The following DGKB variants were observed in gnomAD, a reference collection of about 807,000 sequenced individuals.
The protein encoded by DGKB is 90 kDa diacylglycerol kinase.
In DGKB, 67 loss-of-function variants were observed where a neutral mutation model predicts 114.3. The observed-to-expected ratio is 0.59, with a 90% CI of 0.48 to 0.72. DGKB has a LOEUF of 0.72. Ranked by LOEUF, DGKB falls within the 30% of genes least tolerant of loss-of-function variation. The pLI is 0.00. For missense variants in DGKB, 907 were observed against 975.2 expected (o/e 0.93, Z 0.93); for synonymous variants, 398 against 323.1 (o/e 1.23, Z -2.49).
intron 13 of DGKB, among the ~76,000 whole-genome samples, chr7:14,639,359 C>T (rs1811317339): frequency 6.6e-6 from 1 of 152,172 alleles, no homozygotes; most frequent in African/African-American, 2.4e-5. Flanking sequence ...GTAAGCATCT[C>T]AGTGTCAAAC....
At chr7:14,412,687 A>C (rs988117869) in intron 21 of DGKB, among the ~76,000 whole-genome samples, 4 of 152,278 alleles carry the variant, frequency 2.6e-5, no homozygotes, top group Middle Eastern at 3.4e-3. Flanking sequence ...GGAGAGCAAA[A>C]GTCAGCGAGG....
chr7:14,333,185 G>T (rs1224726469), intron 23 of DGKB, among the ~76,000 whole-genome samples: 1 of 152,186 alleles, frequency 6.6e-6, no homozygotes, highest in East Asian at 1.9e-4. Context: ...GAGGCCGGGG[G>T]CAGTGGCTCA....
intron 20 of DGKB, among the ~76,000 whole-genome samples, chr7:14,515,285 A>G (rs998298221): frequency 9.8e-5 from 15 of 152,308 alleles, no homozygotes; most frequent in African/African-American, 3.4e-4. Context: ...AATATCTCTG[A>G]GGAAATGGAT....
rs373570094 is a variant in DGKB at position 14,837,050 on chromosome 7, A to ATAC, written c.70+4141_70+4143dup. Among the ~76,000 whole-genome samples the ATAC allele has an allele frequency of 8.6e-3, 1,313 of 152,336 alleles. 13 individuals are homozygous for ATAC. Among genetic ancestry groups the ATAC allele is most frequent in the African/African-American group, 0.03 (1,262 of 41,570 alleles). On this transcript the variant is annotated intron_variant, in intron 2 of 25. Transcript: ENST00000402815. ...AGGCACGGCTCTCATTACTTCATAT[A>ATAC]TACTAATTCATACTTCATATATACT...
chr7:14,315,469 C>A (rs1214140430), intron 23 of DGKB, among the ~76,000 whole-genome samples: 8 of 151,472 alleles, frequency 5.3e-5, no homozygotes, highest in Admixed American at 2.6e-4. Context: ...CAAAAAAAGG[C>A]AGGGGTTGCA....
intron 20 of DGKB, among the ~76,000 whole-genome samples, chr7:14,535,633 G>A (rs572841533): frequency 1.2e-4 from 19 of 152,132 alleles, no homozygotes; most frequent in Non-Finnish European, 5.9e-5. Context: ...TGTCACCCAG[G>A]CTGGCGTGCA....
chr7:14,896,811 C>T (rs1782173641), intron 1 of DGKB, among the ~76,000 whole-genome samples: 1 of 151,784 alleles, frequency 6.6e-6, no homozygotes, highest in South Asian at 2.1e-4. Flanking sequence ...AGTCCTATAT[C>T]ATCAAACCTA....
chr7:14,262,945 A>G (rs1277935386), intron 23 of DGKB, among the ~76,000 whole-genome samples: 1 of 151,958 alleles, frequency 6.6e-6, no homozygotes, highest in Non-Finnish European at 1.5e-5. Flanking sequence ...CAATTCTCCC[A>G]TTACACATCA....
chr7:14,506,819 G>C (rs1000612340), intron 20 of DGKB, among the ~76,000 whole-genome samples: 9 of 152,156 alleles, frequency 5.9e-5, no homozygotes, highest in Admixed American at 3.9e-4. Context: ...TTGATACCCT[G>C]TAATTTGCTG....
chr7:14,183,141 TC>T (rs1782883526), intron 23 of DGKB, among the ~76,000 whole-genome samples: 1 of 152,210 alleles, frequency 6.6e-6, no homozygotes, highest in South Asian at 2.1e-4. Flanking sequence ...TTGTATGCCT[TC>T]CAGTGATGTT....
At chr7:14,337,253 T>C (rs1005670288) in intron 23 of DGKB, among the ~76,000 whole-genome samples, 14 of 152,154 alleles carry the variant, frequency 9.2e-5, no homozygotes, top group Non-Finnish European at 1.9e-4. Context: ...CTAATTCATA[T>C]AGCACGAACC....
intron 13 of DGKB, among the ~76,000 whole-genome samples, chr7:14,642,081 C>T (rs902521574): frequency 2.0e-5 from 3 of 152,042 alleles, no homozygotes; most frequent in Non-Finnish European, 2.9e-5. Context: ...AGGAGATTTT[C>T]GTAATCCTCT....
chr7:14,576,586 C>A (rs568624887), intron 19 of DGKB, among the ~76,000 whole-genome samples: 2 of 151,942 alleles, frequency 1.3e-5, no homozygotes, highest in East Asian at 3.9e-4. Context: ...TACATATATA[C>A]AATTAGCAGA....
chr7:14,778,208 G>A (rs1177240883), intron 2 of DGKB, among the ~76,000 whole-genome samples: 2 of 152,114 alleles, frequency 1.3e-5, no homozygotes, highest in Non-Finnish European at 2.9e-5. Context: ...GTGCAAGTGG[G>A]GCAAATACAT....
chr7:14,944,082 T>C (rs1347987399), intron 1 of DGKB, among the ~76,000 whole-genome samples: 1 of 151,834 alleles, frequency 6.6e-6, no homozygotes, highest in East Asian at 1.9e-4. Context: ...AATATTTCAT[T>C]CTATTACCTA....
At chr7:14,788,807 A>C (rs1586518374) in intron 2 of DGKB, among the ~76,000 whole-genome samples, 2 of 152,250 alleles carry the variant, frequency 1.3e-5, no homozygotes, top group East Asian at 1.9e-4. Flanking sequence ...TCGTGAGTGC[A>C]ACAAACTACC....
At chr7:14,712,177 T>C (rs1349104267) in intron 6 of DGKB, among the ~76,000 whole-genome samples, 1 of 151,956 alleles carries the variant, frequency 6.6e-6, no homozygotes, top group Non-Finnish European at 1.5e-5. Flanking sequence ...GTATAAAAGA[T>C]GTCCCAGATA....
At chr7:14,369,891 T>TG (rs1274854707) in intron 21 of DGKB, among the ~76,000 whole-genome samples, 1 of 152,170 alleles carries the variant, frequency 6.6e-6, no homozygotes, top group Non-Finnish European at 1.5e-5. Context: ...CACACATATC[T>TG]ATCTGAAAAG....
intron 1 of DGKB, among the ~76,000 whole-genome samples, chr7:14,931,636 G>C (rs977780307): frequency 6.6e-6 from 1 of 152,158 alleles, no homozygotes; most frequent in African/African-American, 2.4e-5. Context: ...GCTTTGGCTG[G>C]AGGGAGTGGA....
Sources: gnomAD v4.1 joint callset for allele counts (sites outside exome capture counted in the v4.1 genomes callset) on GRCh38, gnomAD v4.1.1 for gene constraint, MANE v1.5 for transcripts, NCBI Gene and HGNC (gene_info 2026-07-23, HGNC 2026-07-21) for gene names.